Variants in KAZN observed in about 807,000 individuals in gnomAD.
The protein encoded by KAZN is kazrin.
In KAZN, 40 loss-of-function variants were observed where a neutral mutation model predicts 87.4. The ratio of observed to expected loss-of-function variants is 0.46; its 90% confidence interval spans 0.36 to 0.60. The LOEUF is 0.60. KAZN is among the 20% of genes least tolerant of loss of function. The probability of loss-of-function intolerance (pLI) is 0.00; values close to 1 mark genes in which losing one functional copy is unlikely to be tolerated. For synonymous variants in KAZN, 466 were observed against 458.3 expected (o/e 1.02, Z -0.22); for missense variants, 898 against 1,073.9 (o/e 0.84, Z 2.29).
At chr1:15,084,868 G>C (rs979803137) in intron 8 of KAZN, among the ~76,000 whole-genome samples, 1 of 152,184 alleles carries the variant, frequency 6.6e-6, no homozygotes, top group African/African-American at 2.4e-5. Context: ...AGCAAATTTA[G>C]ACCCTCTAAG....
At chr1:14,021,953 C>CCTT (rs569460248) in intron 1 of KAZN, among the ~76,000 whole-genome samples, 2 of 114,292 alleles carry the variant, frequency 1.7e-5, no homozygotes, top group African/African-American at 3.3e-5. Flanking sequence ...AATGAACATG[C>CCTT]TTTTTTTTTT....
intron 1 of KAZN, among the ~76,000 whole-genome samples, chr1:14,738,467 G>A (rs1220374209): frequency 6.6e-6 from 1 of 151,988 alleles, no homozygotes; most frequent in Non-Finnish European, 1.5e-5. Flanking sequence ...TGCCAATAAG[G>A]TAATTGAAAT....
chr1:14,853,844 G>A (rs1356467145), intron 1 of KAZN, among the ~76,000 whole-genome samples: 2 of 152,132 alleles, frequency 1.3e-5, no homozygotes, highest in Admixed American at 6.5e-5. Context: ...CGTGGGGGCC[G>A]AGACACCACA....
chr1:14,830,235 G>T (rs1465613864), intron 1 of KAZN, among the ~76,000 whole-genome samples: 1 of 152,100 alleles, frequency 6.6e-6, no homozygotes, highest in African/African-American at 2.4e-5. Context: ...GGCTTTCCCT[G>T]AGCCGTAGCA....
chr1:13,923,538 A>T (rs867228277), intron 1 of KAZN, among the ~76,000 whole-genome samples: 4 of 147,148 alleles, frequency 2.7e-5, no homozygotes, highest in Middle Eastern at 7.1e-3. Context: ...GCGCCACTGC[A>T]CTCCAGCCTG....
At chr1:15,009,854 C>T (rs115727909) in intron 2 of KAZN, among the ~76,000 whole-genome samples, 148 of 152,308 alleles carry the variant, frequency 9.7e-4, no homozygotes, top group Non-Finnish European at 1.9e-3. Flanking sequence ...TCGTTCCTCC[C>T]CATAATATTT....
rs1300770195 is a variant in KAZN at position 14,511,692 on chromosome 1, A to T, written c.250-87291A>T. Among the ~76,000 whole-genome samples, 9 of 152,358 alleles carry T rather than the reference A, an allele frequency of 5.9e-5. No homozygotes were observed. The East Asian group carries it at 1.7e-3, about 29-fold the overall frequency. ...TGGTAGGTGCTTATGCAACCATGTC[A>T]GGCTAAGGGACTGAGTGATTATGTT... On this transcript the variant is annotated intron_variant, in intron 2 of 16. Transcript: ENST00000636203.
chr1:14,011,600 C>T (rs139437506), intron 1 of KAZN, among the ~76,000 whole-genome samples: 31 of 152,142 alleles, frequency 2.0e-4, no homozygotes, highest in Non-Finnish European at 3.7e-4. Flanking sequence ...CAGACTCTGT[C>T]GAGGGAGGGA....
chr1:14,847,421 G>T (rs1648915366), intron 1 of KAZN, among the ~76,000 whole-genome samples: 1 of 152,168 alleles, frequency 6.6e-6, no homozygotes, highest in Admixed American at 6.5e-5. Context: ...TTTTATTATT[G>T]AAATTGATGT....
At chr1:14,746,765 C>G (rs1309863914) in intron 1 of KAZN, among the ~76,000 whole-genome samples, 1 of 152,050 alleles carries the variant, frequency 6.6e-6, no homozygotes, top group Non-Finnish European at 1.5e-5. Context: ...AGTCTCTGTA[C>G]CAGAACAAGG....
intron 2 of KAZN, among the ~76,000 whole-genome samples, chr1:14,472,931 T>C (rs868586865): frequency 6.6e-6 from 1 of 152,208 alleles, no homozygotes; most frequent in Non-Finnish European, 1.5e-5. Flanking sequence ...AGTTTTAACA[T>C]AGTTAGGAGA....
intron 2 of KAZN, among the ~76,000 whole-genome samples, chr1:14,543,786 A>G (rs1672958134): frequency 6.6e-6 from 1 of 152,206 alleles, no homozygotes; most frequent in African/African-American, 2.4e-5. Flanking sequence ...GAAATTGGCA[A>G]ACAGCAAGTT....
intron 1 of KAZN, among the ~76,000 whole-genome samples, chr1:14,165,663 A>G (rs2100229196): frequency 6.6e-6 from 1 of 152,290 alleles, no homozygotes; most frequent in Non-Finnish European, 1.5e-5. Context: ...GAAGAAAAGA[A>G]CAGTCTGTTG....
In KAZN at chr1:14,853,629, T is replaced by C. The variant is rs998050128; in HGVS notation, c.227-107055T>C. On this transcript the variant is annotated intron_variant, in intron 1 of 14. Transcript: ENST00000376030. ...GACGGATGAAATAGCCTGAACAAAG[T>C]GCAGCAGTGCCCTTAATCTGGTGCA... is the stretch of plus-strand genomic sequence containing the variant. Among the ~76,000 whole-genome samples, 131 of 152,236 alleles carry C rather than the reference T, an allele frequency of 8.6e-4. No individual in the cohort carries two copies. In the Middle Eastern group the frequency reaches 0.01, roughly 12 times the overall value.
chr1:13,965,080 G>A (rs994079539), intron 1 of KAZN, among the ~76,000 whole-genome samples: 4 of 152,144 alleles, frequency 2.6e-5, no homozygotes, highest in Admixed American at 1.3e-4. Flanking sequence ...AGCAGCAGGG[G>A]AGGACAGAGA....
rs1570734814 is a variant in KAZN, at chr1:14,099,344, A to C, written c.92-81091A>C. 2.6e-5 allele frequency among the ~76,000 whole-genome samples: 4 copies of C among 152,126 alleles called. 1 individual carries two copies. In the South Asian group the frequency reaches 8.3e-4, roughly 32 times the overall value. On this transcript the variant is annotated intron_variant, in intron 1 of 16. Coordinates refer to the KAZN transcript ENST00000636203. The stretch of plus-strand genomic sequence containing the variant: ...TTTTCTAAGAGATGGCTTAATTATT[A>C]ATTTTTCTTTCTCTCTTCCTTCCTC...
At chr1:14,768,983 T>C (rs943861741) in intron 1 of KAZN, among the ~76,000 whole-genome samples, 1 of 152,210 alleles carries the variant, frequency 6.6e-6, no homozygotes, top group Non-Finnish European at 1.5e-5. Context: ...AGCTACCTCT[T>C]CCCTAGAGCA....
Position 14,438,479 on chromosome 1 carries a change from G to T in KAZN, c.250-160504G>T, listed in dbSNP as rs1258381658. On this transcript the variant is annotated intron_variant, in intron 2 of 16. Coordinates refer to the KAZN transcript ENST00000636203. ...AGGAAAGATTCATGTGGAGGCAAGA[G>T]AGTAAGCCATCAGGTATCTGGGGGA... is the stretch of plus-strand genomic sequence containing the variant. 2.6e-5 allele frequency among the ~76,000 whole-genome samples: 4 copies of T among 152,356 alleles called. No individual in the cohort carries two copies. In the East Asian group the frequency reaches 7.7e-4, roughly 29 times the overall value.
intron 2 of KAZN, among the ~76,000 whole-genome samples, chr1:14,979,496 C>T (rs1057088889): frequency 6.6e-6 from 1 of 152,120 alleles, no homozygotes; most frequent in African/African-American, 2.4e-5. Context: ...TTCCTGAGCT[C>T]ATGCTGTGTC....
Sources: allele counts gnomAD v4.1 joint callset (sites outside exome capture counted in the v4.1 genomes callset), GRCh38; gene constraint gnomAD v4.1.1; transcripts MANE v1.5; gene names NCBI Gene and HGNC (gene_info 2026-07-23, HGNC 2026-07-21).